LSAMP: variants seen among roughly 807,000 people sequenced by gnomAD.
LSAMP encodes limbic system associated membrane protein, also known as limbic system-associated membrane protein.
A neutral mutation model predicts 38.6 loss-of-function variants in LSAMP; 7 were observed. That is an observed-to-expected ratio of 0.18 (90% CI 0.10 to 0.34). The LOEUF (loss-of-function observed/expected upper bound fraction) is 0.34. Among genes scored for constraint, LSAMP ranks in the 10% least tolerant of loss-of-function variants. The pLI, the probability that LSAMP is intolerant of heterozygous loss-of-function variation, is 1.00. For synonymous variants in LSAMP, 154 were observed against 166.8 expected (o/e 0.92, Z 0.59); for missense variants, 313 against 420.0 (o/e 0.75, Z 2.23).
intron 1 of LSAMP, among the ~76,000 whole-genome samples, chr3:116,402,450 C>T (rs1367283933): frequency 1.3e-5 from 2 of 152,076 alleles, no homozygotes; most frequent in Non-Finnish European, 2.9e-5. Context: ...ATCTCAATCA[C>T]CAACAGTAAG....
intron 3 of LSAMP, among the ~76,000 whole-genome samples, chr3:116,006,956 C>T (rs1432862975): frequency 6.6e-6 from 1 of 152,148 alleles, no homozygotes; most frequent in African/African-American, 2.4e-5. Flanking sequence ...ACAGCCCAAA[C>T]AGCATAAAGA....
intron 1 of LSAMP, among the ~76,000 whole-genome samples, chr3:116,327,570 A>G (rs2047790603): frequency 6.6e-6 from 1 of 152,048 alleles, no homozygotes; most frequent in Non-Finnish European, 1.5e-5. Context: ...GTTCTTCACT[A>G]TATAACCTTA....
intron 6 of LSAMP, among the ~76,000 whole-genome samples, chr3:115,820,242 G>A (rs1275707052): frequency 6.6e-6 from 1 of 152,112 alleles, no homozygotes; most frequent in Non-Finnish European, 1.5e-5. Context: ...ACACAACCTG[G>A]AACCTATGAT....
intron 3 of LSAMP, among the ~76,000 whole-genome samples, chr3:115,959,256 GT>G (rs1299471029): frequency 6.6e-6 from 1 of 152,114 alleles, no homozygotes; most frequent in Admixed American, 6.5e-5. Context: ...GCAGTATCAG[GT>G]TTGTAAGGAG....
chr3:116,370,968 G>A (rs917989349), intron 1 of LSAMP, among the ~76,000 whole-genome samples: 2 of 152,192 alleles, frequency 1.3e-5, no homozygotes, highest in East Asian at 3.9e-4. Context: ...CAGCAAATTG[G>A]ATATTTCTAG....
At chr3:115,832,093 C>G (rs1209084926) in intron 6 of LSAMP, among the ~76,000 whole-genome samples, 1 of 152,142 alleles carries the variant, frequency 6.6e-6, no homozygotes, top group Non-Finnish European at 1.5e-5. Context: ...TGCGACTCTG[C>G]TGTGCATCCC....
chr3:115,908,633 T>C (rs189755262), intron 3 of LSAMP, among the ~76,000 whole-genome samples: 3 of 152,298 alleles, frequency 2.0e-5, no homozygotes, highest in Admixed American at 1.3e-4. Flanking sequence ...CCTACTGTTA[T>C]CAGAGCACAA....
chr3:116,119,661 CT>C (rs3071059), intron 1 of LSAMP, among the ~76,000 whole-genome samples: 13,466 of 140,390 alleles, frequency 0.096, 1,651 homozygotes, highest in African/African-American at 0.31. Context: ...TTTTTCTTTT[CT>C]TTTTTTTTTT....
At chr3:115,861,375 T>C (rs994345234) in intron 3 of LSAMP, among the ~76,000 whole-genome samples, 4 of 152,080 alleles carry the variant, frequency 2.6e-5, no homozygotes, top group African/African-American at 7.2e-5. Context: ...TGTGAATTAC[T>C]GTGAAAGTGG....
chr3:116,275,658 G>T (rs1444792573), intron 1 of LSAMP, among the ~76,000 whole-genome samples: 1 of 151,980 alleles, frequency 6.6e-6, no homozygotes, highest in Non-Finnish European at 1.5e-5. Context: ...CCAGACGTTT[G>T]CAGGCGGGAC....
chr3:116,110,512 C>T (rs1455921919), intron 1 of LSAMP, among the ~76,000 whole-genome samples: 1 of 152,124 alleles, frequency 6.6e-6, no homozygotes, highest in East Asian at 1.9e-4. Flanking sequence ...TAAAACGTGT[C>T]TCCTTTGTCT....
In LSAMP at chr3:115,852,480, C is replaced by A; in HGVS notation, c.649+3G>T. The A allele has an allele frequency of 6.2e-7, 1 of 1,609,036 alleles. No homozygotes were observed. Among genetic ancestry groups the A allele is most frequent in the Non-Finnish European group, 8.5e-7 (1 of 1,177,796 alleles). On this transcript the variant is annotated splice_donor_region_variant and intron_variant, in intron 4 of 6. Coordinates refer to ENST00000490035, the MANE Select transcript of LSAMP (RefSeq NM_002338.5). ...AGCACCTGCTGGCTCCTGCCGTACT[C>A]ACAGTTCACAGTGACCTTGACTTGT...
At chr3:116,254,918 G>T (rs1043441695) in intron 1 of LSAMP, among the ~76,000 whole-genome samples, 1 of 152,128 alleles carries the variant, frequency 6.6e-6, no homozygotes, top group Non-Finnish European at 1.5e-5. Flanking sequence ...ATTTCTGATA[G>T]AAAATTAACT....
intron 1 of LSAMP, among the ~76,000 whole-genome samples, chr3:116,427,118 T>TTC (rs1559864334): frequency 7.1e-6 from 1 of 141,324 alleles, no homozygotes; most frequent in Non-Finnish European, 1.5e-5. Flanking sequence ...TCTTTTTTTT[T>TTC]TTTTTTTTTT....
intron 1 of LSAMP, among the ~76,000 whole-genome samples, chr3:116,391,459 C>T (rs1014910604): frequency 6.6e-6 from 1 of 152,180 alleles, no homozygotes; most frequent in South Asian, 2.1e-4. Context: ...GGGAAGGAGG[C>T]GGACAGTCTT....
intron 1 of LSAMP, among the ~76,000 whole-genome samples, chr3:116,276,729 C>T (rs568516997): frequency 1.0e-4 from 15 of 148,908 alleles, no homozygotes; most frequent in African/African-American, 2.7e-4. Context: ...GATATTGAAG[C>T]TAAAAGATTG....
intron 1 of LSAMP, among the ~76,000 whole-genome samples, chr3:116,257,089 T>G (rs1257941261): frequency 6.6e-6 from 1 of 152,194 alleles, no homozygotes; most frequent in Non-Finnish European, 1.5e-5. Flanking sequence ...CACACTCCTC[T>G]GTGGCTTTCA....
chr3:116,191,440 T>C (rs1710752828), intron 1 of LSAMP, among the ~76,000 whole-genome samples: 1 of 152,030 alleles, frequency 6.6e-6, no homozygotes, highest in Non-Finnish European at 1.5e-5. Context: ...AGATACTGAA[T>C]GATATTGTGT....
intron 1 of LSAMP, among the ~76,000 whole-genome samples, chr3:116,170,195 A>AT (rs1710161915): frequency 6.6e-6 from 1 of 152,086 alleles, no homozygotes; most frequent in Non-Finnish European, 1.5e-5. Flanking sequence ...CAATTTGGAA[A>AT]TTTTTTTCCA....
Sources: allele counts gnomAD v4.1 joint callset (sites outside exome capture counted in the v4.1 genomes callset), GRCh38; gene constraint gnomAD v4.1.1; transcripts MANE v1.5; gene names NCBI Gene and HGNC (gene_info 2026-07-23, HGNC 2026-07-21).